The following IL7R variants were observed in gnomAD, a reference collection of about 807,000 sequenced individuals.
IL7R encodes interleukin 7 receptor, also known as interleukin-7 receptor subunit alpha.
In IL7R, 38 loss-of-function variants were observed where a neutral mutation model predicts 47.0. The ratio of observed to expected loss-of-function variants is 0.81; its 90% CI spans 0.62 to 1.06. IL7R has a LOEUF of 1.06. Among genes scored for constraint, IL7R ranks in the 50% least tolerant of loss-of-function variants. The pLI, the probability that IL7R is intolerant of heterozygous loss-of-function variation, is 0.00. For missense variants in IL7R, 633 were observed against 534.8 expected, an observed-to-expected ratio of 1.18 and a Z score of -1.81; for synonymous variants, 221 against 199.8, an observed-to-expected ratio of 1.11 and a Z score of -0.89.
At position 35,875,991 on chromosome 5, in the gene IL7R, T is replaced by C. The variant is rs1760195646; in HGVS notation, c.885T>C (p.Asn295=). ...CTCCTTTTTCTGTGCAGAATTTAAA[T>C]GTGAGTTTCAATCCTGAAAGTTTCC... ...HLCKKPRKNL[N]VSFNPESFLD... is the part of the protein sequence containing the mutation. Residue 295 remains asparagine, a synonymous_variant, in exon 8 of 8, where the codon AAT becomes AAC. Coordinates refer to ENST00000303115, the MANE Select transcript of IL7R (RefSeq NM_002185.5). The C allele has an allele frequency of 6.2e-7, 1 of 1,612,658 alleles. No homozygotes were observed. Among genetic ancestry groups the C allele is most frequent in the Non-Finnish European group, 8.5e-7 (1 of 1,179,970 alleles).
intron 6 of IL7R, 127 bp downstream of exon 6, chr5:35,874,669 T>A (rs1760161926): frequency 2.6e-6 from 2 of 756,316 alleles, no homozygotes; most frequent in East Asian, 5.2e-5. Context: ...GTGCCCAGTA[T>A]CCCTATCTAT....
At chr5:35,857,088 T>G (rs1454356037) in intron 1 of IL7R, 29 bp downstream of exon 1, 1 of 1,359,856 alleles carries the variant, frequency 7.4e-7, no homozygotes, top group Admixed American at 1.7e-5. Flanking sequence ...TTCTTATGGA[T>G]TTTGGATTAT....
chr5:35,857,768 A>G (rs1759695480), intron 1 of IL7R, among the ~76,000 whole-genome samples: 1 of 152,114 alleles, frequency 6.6e-6, no homozygotes, highest in African/African-American at 2.4e-5. Context: ...GCCCATACAT[A>G]AACACATTGT....
intron 4 of IL7R, chr5:35,873,221 G>A (rs1466554112): frequency 3.9e-6 from 2 of 511,974 alleles, no homozygotes; most frequent in Non-Finnish European, 3.5e-6. Flanking sequence ...GGAGATCCTG[G>A]GCAGTGCCTA....
chr5:35,867,287 C>T lies in IL7R; in HGVS notation c.222-19C>T. On this transcript the variant is annotated intron_variant, in intron 2 of 7. Transcript: ENST00000303115. ...AACTCCTACCTGAATCAAGACATATCCCCTTTTTATTCCTACAGTGGGGCC... is the reference window on the plus strand; with the variant it reads ...AACTCCTACCTGAATCAAGACATATTCCCTTTTTATTCCTACAGTGGGGCC... The T allele has an allele frequency of 1.2e-6, 2 of 1,610,444 alleles. No individual in the cohort carries two copies. The highest frequency in any genetic ancestry group is 2.2e-5 in the South Asian group (2 of 90,994).
At position 35,857,187 on chromosome 5, in the gene IL7R, C is replaced by T. The variant is rs1483361000; in HGVS notation, c.82+128C>T. On this transcript the variant is annotated intron_variant, in intron 1 of 7. Coordinates refer to ENST00000303115, the MANE Select transcript of IL7R (RefSeq NM_002185.5). ...GCAGTTTGAGAATTTCCCACATATT[C>T]AGTCATTTTTTTTAATGTTTAACCA... 8.7e-6 allele frequency: 6 copies of T among 688,640 alleles called. No individual in the cohort carries two copies. The African/African-American group carries it at 1.3e-4, about 15-fold the overall frequency. 42.7% of individuals were successfully genotyped at this position (688,640 alleles called of 1,614,324 possible). A position where few individuals can be genotyped will look rare whatever the true frequency, so the allele number is the denominator to read the frequency against.
rs1002396899 is a variant in IL7R at position 35,860,929 on chromosome 5, T to C, written c.160T>C (p.Ser54Pro). Residue 54 changes from serine (S) to proline (P), a missense_variant, in exon 2 of 8, where the codon TCA (serine) becomes CCA (proline). Physicochemically the swap from Ser to Pro is moderately conservative, Grantham distance 74. Coordinates refer to ENST00000303115, the MANE Select transcript of IL7R (RefSeq NM_002185.5). ...GTTGGAAGTGAATGGATCGCAGCACTCACTGACCTGTGCTTTTGAGGACCC... is the reference window on the plus strand; with the variant it reads ...GTTGGAAGTGAATGGATCGCAGCACCCACTGACCTGTGCTTTTGAGGACCC... ...SQLEVNGSQH[S>P]LTCAFEDPDV... 3 of 1,613,436 alleles carry C rather than the reference T, an allele frequency of 1.9e-6. No homozygotes were observed. Among genetic ancestry groups the C allele is most frequent in the African/African-American group, 1.3e-5 (1 of 75,016 alleles).
chr5:35,868,022 C>T (rs916282283), intron 3 of IL7R, among the ~76,000 whole-genome samples: 6 of 152,244 alleles, frequency 3.9e-5, no homozygotes, highest in South Asian at 2.1e-4. Flanking sequence ...TCGCAAAAAT[C>T]CATAAGGCAA....
At chr5:35,864,809 A>T (rs1759898209) in intron 2 of IL7R, among the ~76,000 whole-genome samples, 1 of 151,094 alleles carries the variant, frequency 6.6e-6, no homozygotes, top group Non-Finnish European at 1.5e-5. Flanking sequence ...GTTTTTTTTT[A>T]TTTTGATGGA....
At position 35,878,833 on chromosome 5, in the gene IL7R, TGAA is replaced by T. The variant is rs1000269004; in HGVS notation, c.*2350_*2352del. 21 of 233,060 alleles carry T rather than the reference TGAA, an allele frequency of 9.0e-5. 2 individuals are homozygous for T. The highest frequency in any genetic ancestry group is 3.4e-4 in the Admixed American group (6 of 17,794). 14.4% of individuals were successfully genotyped at this position (233,060 alleles called of 1,614,324 possible). A position where few individuals can be genotyped will look rare whatever the true frequency, so the allele number is the denominator to read the frequency against. The stretch of plus-strand genomic sequence containing the variant: ...ATAAATAGACAATCTCTTGAAGAAA[TGAA>T]GAGATGACCATAGAAAAACATCGAG... On this transcript the variant is annotated 3_prime_UTR_variant, in exon 8 of 8. Transcript: ENST00000303115.
Position 35,875,973 on chromosome 5 carries a change from T to C in IL7R, c.877-10T>C. 1 of 1,610,118 alleles carries C rather than the reference T, an allele frequency of 6.2e-7. No homozygotes were observed. Among genetic ancestry groups the C allele is most frequent in the Non-Finnish European group, 8.5e-7 (1 of 1,179,952 alleles). ...GCCATCTTAATACCCTTTCTCCTTT[T>C]TCTGTGCAGAATTTAAATGTGAGTT... On this transcript the variant is annotated splice_polypyrimidine_tract_variant and intron_variant, in intron 7 of 7. Coordinates refer to ENST00000303115, the MANE Select transcript of IL7R (RefSeq NM_002185.5).
At position 35,856,904 on chromosome 5, in the gene IL7R, T is replaced by C; in HGVS notation, c.-74T>C. 1 of 863,226 alleles carries C rather than the reference T, an allele frequency of 1.2e-6. No homozygotes were observed. The highest frequency in any genetic ancestry group is 1.3e-5 in the South Asian group (1 of 76,216). 53.5% of individuals were successfully genotyped at this position (863,226 alleles called of 1,614,324 possible). A position where few individuals can be genotyped will look rare whatever the true frequency, so the allele number is the denominator to read the frequency against. ...AAGCTTCTCTGTCTTCCTCCCTCCC[T>C]CCCTTCCTCTTACTCTCATTCATTT... On this transcript the variant is annotated 5_prime_UTR_variant, in exon 1 of 8. Coordinates refer to ENST00000303115, the MANE Select transcript of IL7R (RefSeq NM_002185.5).
chr5:35,875,557 T>G lies in IL7R; in HGVS notation c.846T>G (p.Thr282=), dbSNP rs1380332419. The G allele has an allele frequency of 6.2e-7, 1 of 1,613,680 alleles. No homozygotes were observed. Among genetic ancestry groups the G allele is most frequent in the South Asian group, 1.1e-5 (1 of 91,068 alleles). ...CCAGTCTCCCCGATCATAAGAAGAC[T>G]CTGGAACATCTTTGTAAGAAACCAA... ...VWPSLPDHKK[T]LEHLCKKPRK... is the part of the protein sequence containing the mutation. Residue 282 remains threonine (T), a synonymous_variant, in exon 7 of 8, where the codon ACT becomes ACG. Coordinates refer to ENST00000303115, the MANE Select transcript of IL7R (RefSeq NM_002185.5).
At chr5:35,874,351 A>G (rs1760151361) in intron 5 of IL7R, 98 bp from the exon 6 acceptor site, 1 of 837,694 alleles carries the variant, frequency 1.2e-6, no homozygotes, top group African/African-American at 1.7e-5. Context: ...GGAAATAATA[A>G]GTGGGCCCAC....
chr5:35,865,855 T>C (rs1391994969), intron 2 of IL7R, among the ~76,000 whole-genome samples: 1 of 152,088 alleles, frequency 6.6e-6, no homozygotes, highest in Non-Finnish European at 1.5e-5. Context: ...CATGAAAAAA[T>C]GCTCATCATC....
intron 4 of IL7R, 66 bp downstream of exon 4, chr5:35,871,279 A>G: frequency 7.4e-7 from 1 of 1,346,090 alleles, no homozygotes; most frequent in Non-Finnish European, 1.0e-6. Context: ...TTGGCCTAGT[A>G]GTGCATTTCC....
chr5:35,860,942 C>T lies in IL7R; in HGVS notation c.173C>T (p.Ala58Val), dbSNP rs1327554053. The T allele has an allele frequency of 6.2e-7, 1 of 1,613,478 alleles. No individual in the cohort carries two copies. ...GGATCGCAGCACTCACTGACCTGTG[C>T]TTTTGAGGACCCAGATGTCAACATC... is the stretch of plus-strand genomic sequence containing the variant. ...VNGSQHSLTC[A>V]FEDPDVNITN... The change falls in exon 2 of 8, where the codon GCT becomes GTT. Residue 58 changes from alanine to valine, a missense_variant. Physicochemically the swap from Ala to Val is moderately conservative, Grantham distance 64 (BLOSUM62 0). Coordinates refer to ENST00000303115, the MANE Select transcript of IL7R (RefSeq NM_002185.5).
chr5:35,864,291 G>A (rs943146118), intron 2 of IL7R, among the ~76,000 whole-genome samples: 3 of 151,974 alleles, frequency 2.0e-5, no homozygotes, highest in Non-Finnish European at 4.4e-5. Flanking sequence ...GAACATTTGT[G>A]TTTTTTCAAG....
intron 2 of IL7R, among the ~76,000 whole-genome samples, chr5:35,865,971 G>A (rs1166351854): frequency 2.6e-5 from 4 of 152,112 alleles, no homozygotes; most frequent in Admixed American, 2.6e-4. Context: ...GGTGAAAGTG[G>A]ATATTCCTGT....
Sources: gnomAD v4.1 joint callset for allele counts (sites outside exome capture counted in the v4.1 genomes callset) on GRCh38, gnomAD v4.1.1 for gene constraint, MANE v1.5 for transcripts, NCBI Gene and HGNC (gene_info 2026-07-23, HGNC 2026-07-21) for gene names.